RFPL1: variants seen among roughly 807,000 people sequenced by gnomAD.
RFPL1 encodes ret finger protein like 1.
Under a neutral mutation model 9.6 loss-of-function variants are expected in RFPL1, and 6 were observed. The ratio of observed to expected loss-of-function variants is 0.62; its 90% CI spans 0.34 to 1.23. RFPL1 has a LOEUF of 1.23. Among genes scored for constraint, RFPL1 ranks in the 50% most tolerant of loss-of-function variants. RFPL1 has a pLI of 0.03. For missense variants in RFPL1, 352 were observed against 398.4 expected (o/e 0.88, Z 0.99); for synonymous variants, 145 against 149.4 (o/e 0.97, Z 0.22).
At chr22:29,418,461 A>G in the RFPL1 span, among the ~76,000 whole-genome samples, 1 of 151,610 alleles carries the variant, frequency 6.6e-6, no homozygotes, top group African/African-American at 2.4e-5. Context: ...GAGATTTAAA[A>G]TGAAAAATCC....
the RFPL1 span, among the ~76,000 whole-genome samples, chr22:29,418,311 G>A: frequency 1.2e-4 from 19 of 152,114 alleles, no homozygotes; most frequent in African/African-American, 4.1e-4. Context: ...TGCGGCAGCC[G>A]CTCTACACAC....
chr22:29,430,073 A>G, the RFPL1 span, among the ~76,000 whole-genome samples: 3 of 152,218 alleles, frequency 2.0e-5, no homozygotes, highest in Non-Finnish European at 4.4e-5. Flanking sequence ...TGACTCGTCT[A>G]TGTAATTACA....
chr22:29,439,292 C>A (rs1488185190), intron 1 of RFPL1, 128 bp downstream of exon 1: 10 of 1,315,752 alleles, frequency 7.6e-6, no homozygotes, highest in Non-Finnish European at 1.0e-5. Context: ...GCTTCTTCAT[C>A]ATCAGATTCT....
upstream of RFPL1, chr22:29,437,767 G>T (rs1569183192): frequency 1.9e-6 from 3 of 1,564,890 alleles, no homozygotes; most frequent in African/African-American, 2.8e-5. Context: ...TTCCTCCTTA[G>T]ATGCCTAGAA....
chr22:29,439,316 A>G lies in RFPL1; in HGVS notation c.373+152A>G, dbSNP rs1219923519. The G allele has an allele frequency of 6.7e-5, 78 of 1,164,862 alleles. 1 individual carries two copies. In the Admixed American group the frequency reaches 7.4e-4, roughly 11 times the overall value. 72.2% of individuals were successfully genotyped at this position (1,164,862 alleles called of 1,614,324 possible). On this transcript the variant is annotated intron_variant, in intron 1 of 1. Coordinates refer to ENST00000354373, the Ensembl canonical transcript of RFPL1. ...TCATCAGATTCTCAGCCCTGACAACATACAGAATCACCTGGTGATCTCCAA... is the reference window on the plus strand; with the variant it reads ...TCATCAGATTCTCAGCCCTGACAACGTACAGAATCACCTGGTGATCTCCAA...
chr22:29,398,182 C>T, the RFPL1 span, among the ~76,000 whole-genome samples: 1 of 152,210 alleles, frequency 6.6e-6, no homozygotes, highest in Non-Finnish European at 1.5e-5. Context: ...TGGCAGGCCT[C>T]AGCCTCATGA....
the RFPL1 span, among the ~76,000 whole-genome samples, chr22:29,428,816 C>A: frequency 2.0e-5 from 3 of 151,954 alleles, no homozygotes; most frequent in African/African-American, 7.3e-5. Context: ...CATAATATAC[C>A]AAAATCTATG....
the RFPL1 span, among the ~76,000 whole-genome samples, chr22:29,411,982 G>A: frequency 1.3e-5 from 2 of 152,162 alleles, no homozygotes; most frequent in African/African-American, 4.8e-5. Flanking sequence ...GGAGTGAGCA[G>A]GACCTGGCCT....
At chr22:29,427,762 G>A in the RFPL1 span, among the ~76,000 whole-genome samples, 8 of 152,166 alleles carry the variant, frequency 5.3e-5, no homozygotes, top group South Asian at 1.7e-3. Flanking sequence ...ACTCTATCTT[G>A]GGTGCTGATA....
At chr22:29,433,543 G>A in the RFPL1 span, 8 of 178,914 alleles carry the variant, frequency 4.5e-5, no homozygotes, top group South Asian at 1.4e-4. Flanking sequence ...CCAAGGATGC[G>A]GAAGTTTCAA....
At chr22:29,411,039 A>G in the RFPL1 span, among the ~76,000 whole-genome samples, 1 of 152,106 alleles carries the variant, frequency 6.6e-6, no homozygotes. Context: ...GGGCCAATCC[A>G]TCTGCTGCAT....
At chr22:29,406,485 T>C in the RFPL1 span, among the ~76,000 whole-genome samples, 1 of 152,158 alleles carries the variant, frequency 6.6e-6, no homozygotes, top group East Asian at 1.9e-4. Flanking sequence ...CCCAGGTATG[T>C]GCAGATTCTA....
upstream of RFPL1, among the ~76,000 whole-genome samples, chr22:29,435,615 A>G (rs1403203935): frequency 6.6e-6 from 1 of 152,166 alleles, no homozygotes; most frequent in Non-Finnish European, 1.5e-5. Context: ...CTGTCTCCCA[A>G]GCTTTGTTTT....
At chr22:29,396,295 A>C in the RFPL1 span, among the ~76,000 whole-genome samples, 2 of 152,322 alleles carry the variant, frequency 1.3e-5, no homozygotes, top group South Asian at 4.1e-4. Flanking sequence ...GAGTGGATTA[A>C]TGCCAATCAC....
At chr22:29,407,572 T>C in the RFPL1 span, among the ~76,000 whole-genome samples, 2 of 151,564 alleles carry the variant, frequency 1.3e-5, no homozygotes, top group South Asian at 4.2e-4. Flanking sequence ...TAATCATTGA[T>C]TTAATTTCTA....
the RFPL1 span, among the ~76,000 whole-genome samples, chr22:29,397,352 G>T: frequency 3.3e-3 from 496 of 152,238 alleles, 1 homozygote; most frequent in African/African-American, 0.011. Flanking sequence ...GTCTTCAACT[G>T]GTTCAGCTCT....
At chr22:29,400,596 A>T in the RFPL1 span, among the ~76,000 whole-genome samples, 559 of 152,292 alleles carry the variant, frequency 3.7e-3, 4 homozygotes, top group African/African-American at 0.012. Context: ...ACCATTTAGG[A>T]TAAAAGTATA....
chr22:29,410,488 G>GAT, the RFPL1 span, among the ~76,000 whole-genome samples: 338 of 51,644 alleles, frequency 6.5e-3, 4 homozygotes, highest in African/African-American at 9.6e-3. Context: ...ATATATTGTA[G>GAT]ATATATATCT....
the RFPL1 span, among the ~76,000 whole-genome samples, chr22:29,404,694 T>C: frequency 6.6e-6 from 1 of 152,176 alleles, no homozygotes; most frequent in Non-Finnish European, 1.5e-5. Flanking sequence ...CATTAGATAA[T>C]GAGAAATAAA....
Sources: allele counts gnomAD v4.1 joint callset (sites outside exome capture counted in the v4.1 genomes callset), GRCh38; gene constraint gnomAD v4.1.1; transcripts MANE v1.5; gene names NCBI Gene and HGNC (gene_info 2026-07-23, HGNC 2026-07-21).